Variants in TBL3 observed in about 807,000 individuals in gnomAD.
The protein encoded by TBL3 is transducin beta-like protein 3.
In TBL3, 71 loss-of-function variants were observed where a neutral mutation model predicts 102.7. The ratio of observed to expected loss-of-function variants is 0.69; its 90% CI spans 0.57 to 0.84. The LOEUF (loss-of-function observed/expected upper bound fraction) is 0.84. Among genes scored for constraint, TBL3 ranks in the 40% least tolerant of loss-of-function variants. The pLI is 0.00. For synonymous variants in TBL3, 578 were observed against 477.7 expected, an observed-to-expected ratio of 1.21 and a Z score of -2.74; for missense variants, 1,188 against 1,098.5, an observed-to-expected ratio of 1.08 and a Z score of -1.15.
In TBL3 at chr16:1,980,708, C is replaced by G. The variant is rs750823818; in HGVS notation, c.*2023C>G. ...ATCTCCGCAGCAGGCCCGCCTCCACCGGGAAGGTCTCCTTGAGGGTCTTCT... is the reference window on the plus strand; with the variant it reads ...ATCTCCGCAGCAGGCCCGCCTCCACGGGGAAGGTCTCCTTGAGGGTCTTCT... On this transcript the variant is annotated 3_prime_UTR_variant, in exon 22 of 22. Coordinates refer to ENST00000568546, the MANE Select transcript of TBL3 (RefSeq NM_006453.3). 3 of 1,605,548 alleles carry G rather than the reference C, an allele frequency of 1.9e-6. No individual in the cohort carries two copies. The highest frequency in any genetic ancestry group is 1.1e-5 in the South Asian group (1 of 89,678).
At position 1,978,890 on chromosome 16, in the gene TBL3, C is replaced by G. The variant is rs777121102; in HGVS notation, c.*205C>G. On this transcript the variant is annotated 3_prime_UTR_variant, in exon 22 of 22. Coordinates refer to ENST00000568546, the MANE Select transcript of TBL3 (RefSeq NM_006453.3). ...CCTGGCCTGGCAGAGATCCAGCCCGCGGCTCCGCACGCTTAGACGGTGGGG... is the reference window on the plus strand; with the variant it reads ...CCTGGCCTGGCAGAGATCCAGCCCGGGGCTCCGCACGCTTAGACGGTGGGG... The G allele has an allele frequency of 4.7e-6, 5 of 1,062,098 alleles. No individual in the cohort carries two copies. Among genetic ancestry groups the G allele is most frequent in the Non-Finnish European group, 6.7e-6 (5 of 747,894 alleles). 65.8% of individuals were successfully genotyped at this position (1,062,098 alleles called of 1,614,324 possible). A position where few individuals can be genotyped will look rare whatever the true frequency, so the allele number is the denominator to read the frequency against.
At position 1,979,591 on chromosome 16, in the gene TBL3, G is replaced by T; in HGVS notation, c.*906G>T. The T allele has an allele frequency of 6.7e-7, 1 of 1,484,940 alleles. No individual in the cohort carries two copies. Among genetic ancestry groups the T allele is most frequent in the Non-Finnish European group, 9.3e-7 (1 of 1,075,282 alleles). The allele number at this position is 1,484,940 out of a possible 1,614,324, so 92.0% of individuals were successfully genotyped here. A position where few individuals can be genotyped will look rare whatever the true frequency, so the allele number is the denominator to read the frequency against. On this transcript the variant is annotated 3_prime_UTR_variant, in exon 22 of 22. Transcript: ENST00000568546. ...TCACCGCGGGGCCACAGAGGACGAG[G>T]CCCGCCCGCACCCTTCTCCACATTC...
chr16:1,979,199 G>T lies in TBL3; in HGVS notation c.*514G>T. 2.0e-6 allele frequency: 3 copies of T among 1,464,910 alleles called. No individual in the cohort carries two copies. The highest frequency in any genetic ancestry group is 1.8e-6 in the Non-Finnish European group (2 of 1,116,238). 90.7% of individuals were successfully genotyped at this position (1,464,910 alleles called of 1,614,324 possible). A position where few individuals can be genotyped will look rare whatever the true frequency, so the allele number is the denominator to read the frequency against. ...GCGAAGGTCGGGTGGGCACGGTGGGGGGAGGGGCGGTGGCCTGGGAGGGTT... is the reference window on the plus strand; with the variant it reads ...GCGAAGGTCGGGTGGGCACGGTGGGTGGAGGGGCGGTGGCCTGGGAGGGTT... On this transcript the variant is annotated 3_prime_UTR_variant, in exon 22 of 22. Coordinates refer to ENST00000568546, the MANE Select transcript of TBL3 (RefSeq NM_006453.3).
rs1057310504 is a variant in TBL3 at position 1,980,858 on chromosome 16, A to G, written c.*2173A>G. 54 of 1,460,222 alleles carry G rather than the reference A, an allele frequency of 3.7e-5. No individual in the cohort carries two copies. The African/African-American group carries it at 6.7e-4, about 18-fold the overall frequency. 90.5% of individuals were successfully genotyped at this position (1,460,222 alleles called of 1,614,324 possible). On this transcript the variant is annotated 3_prime_UTR_variant, in exon 22 of 22. Transcript: ENST00000568546. ...GGACGAAGGGCCTCCAGTGGGAGTC[A>G]CTGATGGGAGGCAGTCCAGTGGGAG...
chr16:1,979,898 A>ACCAGCCT lies in TBL3; in HGVS notation c.*1214_*1220dup. Reference sequence around the variant, plus strand: ...TGCCGGTCTTCGTTCTCCACCAGCCACCAGCCTGTGCGCAAGAAGCGGGCA... The same window carrying ACCAGCCT: ...TGCCGGTCTTCGTTCTCCACCAGCCACCAGCCTCCAGCCTGTGCGCAAGAAGCGGGCA... On this transcript the variant is annotated 3_prime_UTR_variant, in exon 22 of 22. Transcript: ENST00000568546. 6.3e-7 allele frequency: 1 copy of ACCAGCCT among 1,582,434 alleles called. No individual in the cohort carries two copies. The highest frequency in any genetic ancestry group is 8.6e-7 in the Non-Finnish European group (1 of 1,165,240).
rs2083493839 is a variant in TBL3 at position 1,980,857 on chromosome 16, C to T, written c.*2172C>T. The T allele has an allele frequency of 6.1e-6, 9 of 1,473,566 alleles. 1 individual carries two copies. Among genetic ancestry groups the T allele is most frequent in the Non-Finnish European group, 7.5e-6 (8 of 1,068,130 alleles). The allele number at this position is 1,473,566 out of a possible 1,614,324, so 91.3% of individuals were successfully genotyped here. On this transcript the variant is annotated 3_prime_UTR_variant, in exon 22 of 22. Coordinates refer to ENST00000568546, the MANE Select transcript of TBL3 (RefSeq NM_006453.3). ...GGGACGAAGGGCCTCCAGTGGGAGT[C>T]ACTGATGGGAGGCAGTCCAGTGGGA...
intron 9 of TBL3, 21 bp from the exon 10 acceptor site, chr16:1,975,508 G>T: frequency 1.3e-6 from 2 of 1,599,554 alleles, no homozygotes; most frequent in Non-Finnish European, 1.7e-6. Context: ...AGTCTCAGCA[G>T]CCCTGTCCCC....
Position 1,977,628 on chromosome 16 carries a change from C to T in TBL3, c.1857C>T (p.His619=), listed in dbSNP as rs370658311. 16 of 1,553,954 alleles carry T rather than the reference C, an allele frequency of 1.0e-5. No individual in the cohort carries two copies. The highest frequency in any genetic ancestry group is 3.3e-4 in the Middle Eastern group (2 of 6,016). ...WGLHCSRLDD[H]ALTGASDSRV... is the part of the protein sequence containing the mutation. Reference sequence around the variant, plus strand: ...TGCACTGCAGCCGGCTGGACGACCACGCCCTCACTGGGGCCAGTGACTCCC... The same window carrying T: ...TGCACTGCAGCCGGCTGGACGACCATGCCCTCACTGGGGCCAGTGACTCCC... Residue 619 remains histidine, a synonymous_variant, in exon 17 of 22, where the codon CAC becomes CAT. Transcript: ENST00000568546.
intron 13 of TBL3, among the ~76,000 whole-genome samples, chr16:1,976,562 G>A (rs1372794418): frequency 2.0e-5 from 3 of 152,220 alleles, no homozygotes; most frequent in Non-Finnish European, 4.4e-5. Context: ...CCTGCACGAG[G>A]CCCAGGTGGA....
rs1334497270 is a variant in TBL3, at chr16:1,974,408, C to G, written c.222C>G (p.Leu74=). ...AGGAGGACATCACTGCCTTTGACCTCAGCCCTGACAACGAGGTATGTGGGG... is the reference window on the plus strand; with the variant it reads ...AGGAGGACATCACTGCCTTTGACCTGAGCCCTGACAACGAGGTATGTGGGG... The part of the protein sequence containing the change: ...EDQEDITAFD[L]SPDNEVLVTA... The change falls in exon 4 of 22, where the codon CTC becomes CTG. Residue 74 remains leucine, a synonymous_variant. Coordinates refer to ENST00000568546, the MANE Select transcript of TBL3 (RefSeq NM_006453.3). 2 of 1,610,560 alleles carry G rather than the reference C, an allele frequency of 1.2e-6. No individual in the cohort carries two copies. The highest frequency in any genetic ancestry group is 2.2e-5 in the East Asian group (1 of 44,832).
In TBL3 at chr16:1,975,675, C is replaced by A. The variant is rs752448282; in HGVS notation, c.952C>A (p.Leu318Ile). 3.7e-6 allele frequency: 6 copies of A among 1,610,006 alleles called. No individual in the cohort carries two copies. The African/African-American group carries it at 4.0e-5, about 11-fold the overall frequency. Reference sequence around the variant, plus strand: ...CGCCACCGCCGACCACAACCTGTTGCTCTACGAGGCTCGCTCCCTGCGGCT... The same window carrying A: ...CGCCACCGCCGACCACAACCTGTTGATCTACGAGGCTCGCTCCCTGCGGCT... ...LTATADHNLL[L>I]YEARSLRLQK... The change falls in exon 10 of 22, where the codon CTC becomes ATC. Residue 318 changes from leucine (L) to isoleucine (I), a missense_variant. Coordinates refer to ENST00000568546, the MANE Select transcript of TBL3 (RefSeq NM_006453.3).
intron 9 of TBL3, 45 bp from the exon 10 acceptor site, chr16:1,975,484 C>T (rs756513981): frequency 2.6e-5 from 41 of 1,605,262 alleles, no homozygotes; most frequent in Admixed American, 8.3e-5. Context: ...CTGGGGAAGG[C>T]CTGTGGACCT....
intron 1 of TBL3, 68 bp from the exon 2 acceptor site, chr16:1,973,988 A>G (rs1242553169): frequency 2.1e-6 from 3 of 1,455,006 alleles, no homozygotes; most frequent in Non-Finnish European, 2.7e-6. Context: ...AGGAGCACCT[A>G]GCACAGGGCG....
rs202013472 is a variant in TBL3 at position 1,980,644 on chromosome 16, G to C, written c.*1959G>C. The C allele has an allele frequency of 1.2e-6, 2 of 1,603,374 alleles. No homozygotes were observed. The highest frequency in any genetic ancestry group is 1.7e-6 in the Non-Finnish European group (2 of 1,175,002). ...ACCGCCTTCCCCGCTCCCGTACCCA[G>C]GCTGGCCTGACCGAGAAGCTTTGGG... On this transcript the variant is annotated 3_prime_UTR_variant, in exon 22 of 22. Coordinates refer to ENST00000568546, the MANE Select transcript of TBL3 (RefSeq NM_006453.3).
In TBL3 at chr16:1,978,812, G is replaced by C; in HGVS notation, c.*127G>C. The C allele has an allele frequency of 7.6e-7, 1 of 1,308,672 alleles. No homozygotes were observed. The highest frequency in any genetic ancestry group is 1.0e-6 in the Non-Finnish European group (1 of 954,188). 81.1% of individuals were successfully genotyped at this position (1,308,672 alleles called of 1,614,324 possible). A position where few individuals can be genotyped will look rare whatever the true frequency, so the allele number is the denominator to read the frequency against. ...CCCTGGCCAACACCCTACCTAGCCAGCCAGAAGGGCACTGGAGCTGATGGT... is the reference window on the plus strand; with the variant it reads ...CCCTGGCCAACACCCTACCTAGCCACCCAGAAGGGCACTGGAGCTGATGGT... On this transcript the variant is annotated 3_prime_UTR_variant, in exon 22 of 22. Transcript: ENST00000568546.
At position 1,980,235 on chromosome 16, in the gene TBL3, T is replaced by C. The variant is rs1013527949; in HGVS notation, c.*1550T>C. 6.5e-7 allele frequency: 1 copy of C among 1,539,484 alleles called. No homozygotes were observed. Among genetic ancestry groups the C allele is most frequent in the African/African-American group, 1.4e-5 (1 of 73,902 alleles). ...GGTAGGCGGATGGGGAGGGTGAAAC[T>C]GGGGGCGCCACCCCGGCAAGACCGC... On this transcript the variant is annotated 3_prime_UTR_variant, in exon 22 of 22. Transcript: ENST00000568546.
rs377400307 is a variant in TBL3, at chr16:1,978,728, C to T, written c.*43C>T. 2.5e-6 allele frequency: 4 copies of T among 1,582,304 alleles called. No homozygotes were observed. Among genetic ancestry groups the T allele is most frequent in the Non-Finnish European group, 3.5e-6 (4 of 1,158,582 alleles). On this transcript the variant is annotated 3_prime_UTR_variant, in exon 22 of 22. Coordinates refer to ENST00000568546, the MANE Select transcript of TBL3 (RefSeq NM_006453.3). ...CAGTCCATCCTGAACCCCTGGAAAACCCATAAAGGCCGCTCTCCTGGCCGG... is the reference window on the plus strand; with the variant it reads ...CAGTCCATCCTGAACCCCTGGAAAATCCATAAAGGCCGCTCTCCTGGCCGG...
Position 1,975,803 on chromosome 16 carries a change from C to T in TBL3, c.988-5C>T, listed in dbSNP as rs373834164. Reference sequence around the variant, plus strand: ...TCACATCTCCTGCTCCCTGCCACCCCGCAGTTCGCTGGCTACAGTGAGGAG... The same window carrying T: ...TCACATCTCCTGCTCCCTGCCACCCTGCAGTTCGCTGGCTACAGTGAGGAG... On this transcript the variant is annotated splice_region_variant and splice_polypyrimidine_tract_variant and intron_variant, in intron 10 of 21. Coordinates refer to ENST00000568546, the MANE Select transcript of TBL3 (RefSeq NM_006453.3). 3.7e-4 allele frequency: 590 copies of T among 1,614,028 alleles called. No individual in the cohort carries two copies. Among genetic ancestry groups the T allele is most frequent in the Non-Finnish European group, 4.7e-4 (558 of 1,180,046 alleles).
Position 1,981,758 on chromosome 16 carries a change from A to G in TBL3, c.*3073A>G, listed in dbSNP as rs781183075. The G allele has an allele frequency of 6.4e-6, 1 of 156,038 alleles. No individual in the cohort carries two copies. Among genetic ancestry groups the G allele is most frequent in the African/African-American group, 2.4e-5 (1 of 41,474 alleles). The allele number at this position is 156,038 out of a possible 1,614,324, so 9.7% of individuals were successfully genotyped here. A position where few individuals can be genotyped will look rare whatever the true frequency, so the allele number is the denominator to read the frequency against. On this transcript the variant is annotated 3_prime_UTR_variant, in exon 22 of 22. Coordinates refer to ENST00000568546, the MANE Select transcript of TBL3 (RefSeq NM_006453.3). ...AAAGGTCTCTTAATGTCCCCAACTC[A>G]TAGAGGAGGAAATGTGTGTTAAATG...
Sources: allele counts gnomAD v4.1 joint callset (sites outside exome capture counted in the v4.1 genomes callset), GRCh38; gene constraint gnomAD v4.1.1; transcripts MANE v1.5; gene names NCBI Gene and HGNC (gene_info 2026-07-23, HGNC 2026-07-21).